FAM13B: variants seen among roughly 807,000 people sequenced by gnomAD.
FAM13B encodes family with sequence similarity 13 member B.
Under a neutral mutation model 117.3 loss-of-function variants are expected in FAM13B, and 60 were observed. The ratio of observed to expected loss-of-function variants is 0.51; its 90% confidence interval spans 0.42 to 0.63. FAM13B has a LOEUF of 0.63. Ranked by LOEUF, FAM13B falls within the 30% of genes least tolerant of loss-of-function variation. FAM13B has a pLI of 0.00. For synonymous variants in FAM13B, 332 were observed against 356.1 expected (o/e 0.93, Z 0.76); for missense variants, 972 against 1,091.9 (o/e 0.89, Z 1.55).
intron 1 of FAM13B, among the ~76,000 whole-genome samples, chr5:138,025,299 ATATAT>A (rs1457988352): frequency 7.9e-6 from 1 of 126,724 alleles, no homozygotes; most frequent in Non-Finnish European, 1.7e-5. Flanking sequence ...ATATATATAT[ATATAT>A]ATATATGTAT....
chr5:137,994,641 A>C (rs1445799856), intron 7 of FAM13B, among the ~76,000 whole-genome samples: 1 of 152,222 alleles, frequency 6.6e-6, no homozygotes, highest in East Asian at 1.9e-4. Flanking sequence ...GACCACATAA[A>C]AATGCTAATT....
intron 4 of FAM13B, among the ~76,000 whole-genome samples, chr5:138,017,248 A>G (rs1156593775): frequency 1.3e-5 from 2 of 152,214 alleles, no homozygotes; most frequent in African/African-American, 4.8e-5. Flanking sequence ...ACGTCTTTGC[A>G]TTGACCTTTA....
At chr5:138,011,976 A>G (rs1480888627) in intron 4 of FAM13B, 31 bp from the exon 5 acceptor site, 6 of 1,483,724 alleles carry the variant, frequency 4.0e-6, no homozygotes, top group Admixed American at 2.3e-5. Context: ...GTTTTTTTCA[A>G]TAAAGGAAAA....
At chr5:138,028,441 A>G (rs1561547584) in intron 1 of FAM13B, among the ~76,000 whole-genome samples, 1 of 152,190 alleles carries the variant, frequency 6.6e-6, no homozygotes, top group East Asian at 1.9e-4. Context: ...CTAGCCAGAT[A>G]GGTCCCCTGA....
At chr5:137,984,289 A>G (rs1776597549) in intron 10 of FAM13B, among the ~76,000 whole-genome samples, 1 of 152,236 alleles carries the variant, frequency 6.6e-6, no homozygotes, top group Admixed American at 6.5e-5. Flanking sequence ...CATCTGTAGT[A>G]GAAATCTCCA....
chr5:137,949,330 C>CA (rs1764289770), intron 17 of FAM13B, 146 bp from the exon 18 acceptor site: 5 of 658,488 alleles, frequency 7.6e-6, no homozygotes, highest in South Asian at 7.6e-5. Flanking sequence ...ATTTAAGAAG[C>CA]AAAAAACAGC....
At chr5:138,009,075 G>T (rs532487949) in intron 6 of FAM13B, among the ~76,000 whole-genome samples, 1 of 152,348 alleles carries the variant, frequency 6.6e-6, no homozygotes, top group Non-Finnish European at 1.5e-5. Flanking sequence ...AGGAGGCAGA[G>T]GTTGCAGTGA....
chr5:137,996,048 G>C (rs1341326158), intron 7 of FAM13B, among the ~76,000 whole-genome samples: 1 of 152,162 alleles, frequency 6.6e-6, no homozygotes, highest in East Asian at 1.9e-4. Flanking sequence ...AAAGAAAAAA[G>C]ATACTACTAC....
At chr5:138,022,686 T>C (rs191786439) in intron 1 of FAM13B, among the ~76,000 whole-genome samples, 1 of 152,188 alleles carries the variant, frequency 6.6e-6, no homozygotes, top group East Asian at 1.9e-4. Flanking sequence ...CAAGCTGATA[T>C]CCTCATGACA....
At chr5:138,014,248 G>T (rs1282572415) in intron 4 of FAM13B, among the ~76,000 whole-genome samples, 1 of 152,192 alleles carries the variant, frequency 6.6e-6, no homozygotes, top group Admixed American at 6.5e-5. Context: ...TGAGGGCAGA[G>T]ATTTTCATCT....
In FAM13B at chr5:138,011,803, A is replaced by C. The variant is rs1326546808; in HGVS notation, c.513T>G (p.Asn171Lys). The change falls in exon 5 of 24, where the codon AAT becomes AAG. Residue 171 changes from asparagine (N) to lysine (K), a missense_variant. Physicochemically the swap from Asn to Lys is moderately conservative, Grantham distance 94 (BLOSUM62 0). Coordinates refer to ENST00000689681, the MANE Select transcript of FAM13B (RefSeq NM_001385994.1). Reference sequence around the variant, plus strand: ...CTGGACCAAAGACAGCAGCCAAAGAATTTGCGGACCAAATTTCTTCATGAT... The same window carrying C: ...CTGGACCAAAGACAGCAGCCAAAGACTTTGCGGACCAAATTTCTTCATGAT... ...ASHHEEIWSA[N>K]SLAAVFGPDV... 6.2e-7 allele frequency: 1 copy of C among 1,612,010 alleles called. No homozygotes were observed. Among genetic ancestry groups the C allele is most frequent in the Middle Eastern group, 1.7e-4 (1 of 6,054 alleles).
In FAM13B at chr5:137,996,236, T is replaced by C. The variant is rs530933152; in HGVS notation, c.849-7921A>G. Among the ~76,000 whole-genome samples the C allele has an allele frequency of 3.9e-5, 6 of 152,168 alleles. No homozygotes were observed. The East Asian group carries it at 5.8e-4, about 15-fold the overall frequency. The stretch of plus-strand genomic sequence containing the variant: ...CTGCAAGCTCTGCCTCCCGGGTTCA[T>C]GCCATTCTCCTGCCTCAGCCTCCCG... On this transcript the variant is annotated intron_variant, in intron 7 of 23. Coordinates refer to ENST00000689681, the MANE Select transcript of FAM13B (RefSeq NM_001385994.1).
intron 10 of FAM13B, among the ~76,000 whole-genome samples, chr5:137,965,479 T>C (rs979031991): frequency 1.3e-5 from 2 of 152,164 alleles, no homozygotes; most frequent in African/African-American, 2.4e-5. Flanking sequence ...ATCCCTTCCT[T>C]AGGGGTCCAT....
rs1352936319 is a variant in FAM13B at position 137,949,034 on chromosome 5, G to T, written c.2081C>A (p.Ser694Tyr). 1 of 1,614,022 alleles carries T rather than the reference G, an allele frequency of 6.2e-7. No individual in the cohort carries two copies. Among genetic ancestry groups the T allele is most frequent in the Non-Finnish European group, 8.5e-7 (1 of 1,180,008 alleles). ...PKVIQKEKKP[S>Y]KEATLELILK... is the part of the protein sequence containing the mutation. The stretch of plus-strand genomic sequence containing the variant: ...AATAAGTTCAAGGGTTGCTTCTTTA[G>T]ATGGTTTTTTCTCCTTCTGAATGAC... The change falls in exon 18 of 24, where the codon TCT becomes TAT. Residue 694 changes from serine to tyrosine, a missense_variant. Coordinates refer to ENST00000689681, the MANE Select transcript of FAM13B (RefSeq NM_001385994.1).
intron 10 of FAM13B, among the ~76,000 whole-genome samples, chr5:137,982,661 CTTTA>C (rs1364245982): frequency 2.1e-5 from 3 of 143,224 alleles, no homozygotes; most frequent in Admixed American, 1.4e-4. Context: ...ATGAGCCGCC[CTTTA>C]TTTATCATCC....
intron 4 of FAM13B, among the ~76,000 whole-genome samples, chr5:138,015,791 AAATG>A (rs1439613528): frequency 9.2e-5 from 14 of 152,242 alleles, no homozygotes; most frequent in African/African-American, 3.4e-4. Flanking sequence ...CAAAATAACT[AAATG>A]AATGAATGAT....
intron 1 of FAM13B, among the ~76,000 whole-genome samples, chr5:138,045,573 T>C (rs78025047): frequency 0.012 from 1,763 of 152,100 alleles, 32 homozygotes; most frequent in African/African-American, 0.041. Flanking sequence ...AACTTAGACC[T>C]ACAGGTAACC....
intron 7 of FAM13B, among the ~76,000 whole-genome samples, chr5:137,995,478 G>C (rs537660441): frequency 7.2e-4 from 109 of 152,302 alleles, no homozygotes; most frequent in Non-Finnish European, 9.6e-4. Context: ...TCCAATTTGA[G>C]AAAAGCATTT....
At chr5:138,041,300 G>A (rs531841397) in intron 1 of FAM13B, among the ~76,000 whole-genome samples, 1 of 152,156 alleles carries the variant, frequency 6.6e-6, no homozygotes, top group Non-Finnish European at 1.5e-5. Flanking sequence ...CCAAAATAAT[G>A]GCAACAATAT....
Sources: allele counts gnomAD v4.1 joint callset (sites outside exome capture counted in the v4.1 genomes callset), GRCh38; gene constraint gnomAD v4.1.1; transcripts MANE v1.5; gene names NCBI Gene and HGNC (gene_info 2026-07-23, HGNC 2026-07-21).